The following LRRN2 variants were observed in gnomAD, a reference collection of about 807,000 sequenced individuals.
The protein encoded by LRRN2 is leucine rich repeat neuronal 2.
A neutral mutation model predicts 35.7 loss-of-function variants in LRRN2; 10 were observed. The observed-to-expected ratio is 0.28, with a 90% CI of 0.17 to 0.47. The LOEUF (loss-of-function observed/expected upper bound fraction) is 0.47. Ranked by LOEUF, LRRN2 falls within the 20% of genes least tolerant of loss-of-function variation. LRRN2 has a pLI of 0.99. For synonymous variants in LRRN2, 391 were observed against 409.6 expected, an observed-to-expected ratio of 0.95 and a Z score of 0.55; for missense variants, 731 against 940.3, an observed-to-expected ratio of 0.78 and a Z score of 2.91.
intron 1 of LRRN2, among the ~76,000 whole-genome samples, chr1:204,665,901 C>T (rs1220264123): frequency 6.6e-6 from 1 of 152,238 alleles, no homozygotes; most frequent in Non-Finnish European, 1.5e-5. Context: ...AGCAAAAACA[C>T]CCCAGTAGAC....
intron 1 of LRRN2, among the ~76,000 whole-genome samples, chr1:204,630,164 C>T (rs1667646877): frequency 6.6e-6 from 1 of 152,200 alleles, no homozygotes; most frequent in African/African-American, 2.4e-5. Context: ...GCTGCTCGAG[C>T]ACGGGGACAG....
At chr1:204,645,162 A>T (rs1196944552) in intron 1 of LRRN2, among the ~76,000 whole-genome samples, 2 of 152,262 alleles carry the variant, frequency 1.3e-5, no homozygotes, top group African/African-American at 4.8e-5. Context: ...TGTGACTGGT[A>T]TACTTAAATC....
intron 1 of LRRN2, among the ~76,000 whole-genome samples, chr1:204,642,030 G>C (rs1667989225): frequency 6.6e-6 from 1 of 152,202 alleles, no homozygotes; most frequent in Non-Finnish European, 1.5e-5. Flanking sequence ...GGAGGTGGCA[G>C]GCAGAGGGTG....
At chr1:204,683,873 G>T (rs1396576809) in intron 1 of LRRN2, among the ~76,000 whole-genome samples, 1 of 152,222 alleles carries the variant, frequency 6.6e-6, no homozygotes, top group Non-Finnish European at 1.5e-5. Flanking sequence ...ACCTGGCCAG[G>T]AAAGTGGGTC....
rs912880591 is a variant in LRRN2 at position 204,617,708 on chromosome 1, G to T, written c.*143C>A. ...GCAGAAGCACCCCCAGGGCCACAAA[G>T]CCCCATCTGTCTTGGCCCAGCTGCC... On this transcript the variant is annotated 3_prime_UTR_variant, in exon 2 of 2. Coordinates refer to ENST00000367177, the MANE Select transcript of LRRN2 (RefSeq NM_201630.2). 8.6e-6 allele frequency: 8 copies of T among 928,290 alleles called. No individual in the cohort carries two copies. The highest frequency in any genetic ancestry group is 2.4e-5 in the East Asian group (1 of 41,510). The allele number at this position is 928,290 out of a possible 1,614,324, so 57.5% of individuals were successfully genotyped here.
intron 1 of LRRN2, among the ~76,000 whole-genome samples, chr1:204,634,292 G>A (rs571093413): frequency 2.6e-5 from 4 of 152,336 alleles, no homozygotes; most frequent in East Asian, 3.9e-4. Flanking sequence ...CTGGTCCTTG[G>A]GAATAGAAGA....
chr1:204,626,758 C>T (rs1407010344), intron 1 of LRRN2: 4 of 152,198 alleles, frequency 2.6e-5, no homozygotes, highest in African/African-American at 7.2e-5. Flanking sequence ...CTGCCGTGAA[C>T]TGTGAATCAC....
rs533680311 is a variant in LRRN2, at chr1:204,617,746, C to T, written c.*105G>A. 9.2e-4 allele frequency: 1,172 copies of T among 1,275,306 alleles called. 2 individuals carry two copies. Among genetic ancestry groups the T allele is most frequent in the Middle Eastern group, 6.8e-3 (29 of 4,286 alleles). 79.0% of individuals were successfully genotyped at this position (1,275,306 alleles called of 1,614,324 possible). A position where few individuals can be genotyped will look rare whatever the true frequency, so the allele number is the denominator to read the frequency against. On this transcript the variant is annotated 3_prime_UTR_variant, in exon 2 of 2. Coordinates refer to ENST00000367177, the MANE Select transcript of LRRN2 (RefSeq NM_201630.2). ...TGGCCCAGCTGCCAGGCCTCAAGCA[C>T]GTGGGTCCATGTCCCTTTCCTGGCA... is the stretch of plus-strand genomic sequence containing the variant.
chr1:204,625,909 G>T (rs1251414173), intron 1 of LRRN2, among the ~76,000 whole-genome samples: 32 of 152,226 alleles, frequency 2.1e-4, no homozygotes, highest in Non-Finnish European at 7.3e-5. Flanking sequence ...CAGCCTTGGG[G>T]CCCAGCTCTG....
intron 1 of LRRN2, among the ~76,000 whole-genome samples, chr1:204,665,220 C>T (rs562503021): frequency 1.3e-5 from 2 of 152,240 alleles, no homozygotes; most frequent in African/African-American, 4.8e-5. Context: ...CCTCTAACAA[C>T]AGAGTGATCA....
chr1:204,627,042 A>T (rs1667436604), intron 1 of LRRN2: 1 of 151,940 alleles, frequency 6.6e-6, no homozygotes, highest in Admixed American at 6.6e-5. Context: ...AGTCCCTTCA[A>T]CTCTAGTTGT....
intron 1 of LRRN2, among the ~76,000 whole-genome samples, chr1:204,641,214 C>T (rs1378699234): frequency 6.6e-6 from 1 of 152,210 alleles, no homozygotes; most frequent in African/African-American, 2.4e-5. Flanking sequence ...ACTGGTATCA[C>T]CCTTGTTATT....
intron 1 of LRRN2, among the ~76,000 whole-genome samples, chr1:204,676,494 C>A (rs550773373): frequency 6.4e-4 from 98 of 152,256 alleles, no homozygotes; most frequent in South Asian, 5.6e-3. Context: ...TTCCATACAG[C>A]ATAACCTCTG....
At chr1:204,628,497 G>C (rs1360974262) in intron 1 of LRRN2, 4 of 152,220 alleles carry the variant, frequency 2.6e-5, no homozygotes, top group Non-Finnish European at 5.9e-5. Context: ...AGAGTGCCCG[G>C]TGCTCATTAG....
chr1:204,619,863 G>A lies in LRRN2; in HGVS notation c.130C>T (p.Arg44Cys), dbSNP rs759502182. Residue 44 changes from arginine (R) to cysteine (C), a missense_variant, in exon 2 of 2, where the codon CGC (arginine) becomes TGC (cysteine). Around this residue, in one of 3 missense-constraint regions of LRRN2, gnomAD observed 246 missense variants for 289.5 expected, o/e 0.85. Transcript: ENST00000367177. ...ACQIRPWYTP[R>C]SSYREATTVD... ...GTGGTAGCCTCGCGGTAGGACGAGC[G>A]GGGCGTATACCAGGGCCGGATCTGG... is the stretch of plus-strand genomic sequence containing the variant. The A allele has an allele frequency of 7.4e-5, 120 of 1,613,670 alleles. No individual in the cohort carries two copies. The highest frequency in any genetic ancestry group is 1.6e-4 in the Middle Eastern group (1 of 6,074).
chr1:204,672,762 C>T (rs1668740276), intron 1 of LRRN2, among the ~76,000 whole-genome samples: 1 of 152,128 alleles, frequency 6.6e-6, no homozygotes, highest in Non-Finnish European at 1.5e-5. Flanking sequence ...GCAGGTGCAC[C>T]TTGCTCCTCT....
At chr1:204,667,210 C>T (rs1301921941) in intron 1 of LRRN2, among the ~76,000 whole-genome samples, 1 of 152,038 alleles carries the variant, frequency 6.6e-6, no homozygotes, top group African/African-American at 2.4e-5. Flanking sequence ...GCATGTATAA[C>T]TGGTGAAATT....
intron 1 of LRRN2, among the ~76,000 whole-genome samples, chr1:204,646,848 A>C (rs189006095): frequency 6.6e-6 from 1 of 152,310 alleles, no homozygotes; most frequent in Non-Finnish European, 1.5e-5. Context: ...TCTAACATAG[A>C]CTGTGGATTA....
chr1:204,681,096 A>G (rs1048846280), intron 1 of LRRN2, among the ~76,000 whole-genome samples: 7 of 152,042 alleles, frequency 4.6e-5, no homozygotes. Flanking sequence ...AGCTGGGATT[A>G]CAGGTGTGTG....
Sources: allele counts gnomAD v4.1 joint callset (sites outside exome capture counted in the v4.1 genomes callset), GRCh38; gene constraint gnomAD v4.1.1; regional missense constraint gnomAD v4.1.1; transcripts MANE v1.5; gene names NCBI Gene and HGNC (gene_info 2026-07-23, HGNC 2026-07-21).